The following PCDH19 variants were observed in gnomAD, a reference collection of about 807,000 sequenced individuals.
The protein encoded by PCDH19 is protocadherin 19, also known as protocadherin-19.
In PCDH19, 6 loss-of-function variants were observed where a neutral mutation model predicts 46.2. That is an observed-to-expected ratio of 0.13 (90% CI 0.07 to 0.26). PCDH19 has a LOEUF of 0.26. Ranked by LOEUF, PCDH19 falls within the 10% of genes least tolerant of loss-of-function variation. The pLI is 1.00. For missense variants in PCDH19, 740 were observed against 972.3 expected (o/e 0.76, Z 3.18); for synonymous variants, 481 against 415.7 (o/e 1.16, Z -1.91).
intron 4 of PCDH19, among the ~76,000 whole-genome samples, chrX:100,348,482 C>T: frequency 8.9e-6 from 1 of 111,939 alleles, no homozygotes; most frequent in Non-Finnish European, 1.9e-5. Context: ...TTTCCCAAAG[C>T]TCTCATGGCT....
intron 5 of PCDH19, among the ~76,000 whole-genome samples, chrX:100,336,506 T>C (rs1398492287): frequency 2.7e-5 from 3 of 112,121 alleles, no homozygotes; most frequent in Non-Finnish European, 5.6e-5. Flanking sequence ...GTTCTTCAAA[T>C]CCATGTTATA....
intron 3 of PCDH19, among the ~76,000 whole-genome samples, chrX:100,381,914 A>G (rs1927563965): frequency 9.0e-6 from 1 of 111,404 alleles, no homozygotes; most frequent in Non-Finnish European, 1.9e-5. Flanking sequence ...CTACACACAC[A>G]GCCACTACAA....
At chrX:100,326,121 C>T (rs1048062006) in intron 5 of PCDH19, among the ~76,000 whole-genome samples, 3 of 112,474 alleles carry the variant, frequency 2.7e-5, no homozygotes, top group Non-Finnish European at 5.6e-5. Context: ...TGAGAGGCTC[C>T]CTCCTGGGAG....
chrX:100,333,161 GGAA>G (rs56953203), intron 5 of PCDH19, among the ~76,000 whole-genome samples: 926 of 56,286 alleles, frequency 0.016, 33 homozygotes, highest in Middle Eastern at 0.024. Context: ...AAGGAAGGAA[GGAA>G]GGAAGGAAGG....
At chrX:100,338,573 A>G (rs1252003908) in intron 5 of PCDH19, among the ~76,000 whole-genome samples, 4 of 108,709 alleles carry the variant, frequency 3.7e-5, no homozygotes, top group Non-Finnish European at 7.6e-5. Context: ...TCCTTTATTG[A>G]ATATAACATT....
intron 3 of PCDH19, among the ~76,000 whole-genome samples, chrX:100,371,021 GT>G (rs1569304489): frequency 6.4e-5 from 7 of 109,687 alleles, no homozygotes; most frequent in East Asian, 3.0e-4. Context: ...GTGTGTGTGT[GT>G]GTGGGTGTGT....
intron 4 of PCDH19, among the ~76,000 whole-genome samples, chrX:100,350,169 A>G (rs1054108911): frequency 1.8e-5 from 2 of 112,405 alleles, no homozygotes; most frequent in African/African-American, 6.5e-5. Context: ...GAAGTTCTAC[A>G]TGAAAAACAT....
At chrX:100,333,189 GAAAGAA>G (rs1569294777) in intron 5 of PCDH19, among the ~76,000 whole-genome samples, 1,799 of 70,730 alleles carry the variant, frequency 0.025, 62 homozygotes, top group Middle Eastern at 0.063. Flanking sequence ...GAGAGAGAAA[GAAAGAA>G]AGAAAGAAAG....
intron 3 of PCDH19, among the ~76,000 whole-genome samples, chrX:100,359,628 C>T (rs953751102): frequency 7.1e-5 from 8 of 112,011 alleles, no homozygotes; most frequent in African/African-American, 2.6e-4. Context: ...TGGCTCATGC[C>T]TGTAACCCCA....
rs778219829 is a variant in PCDH19, at chrX:100,407,216, A to G, written c.1382T>C (p.Ile461Thr). The G allele has an allele frequency of 9.1e-6, 11 of 1,211,619 alleles. No individual in the cohort carries two copies. The highest frequency in any genetic ancestry group is 1.2e-5 in the Non-Finnish European group (11 of 895,483). ...GCCAGGCGTGTTGTTCTCCTGCACA[A>G]TGACCTGGTAGTAGGGCTTGGAAAA... ...PHFSKPYYQV[I>T]VQENNTPGAY... The change falls in exon 1 of 6, where the codon ATT (isoleucine) becomes ACT (threonine). Residue 461 changes from isoleucine to threonine, a missense_variant. By Grantham distance (89) the Ile-to-Thr change is moderately conservative. Coordinates refer to ENST00000373034, the MANE Select transcript of PCDH19 (RefSeq NM_001184880.2).
intron 3 of PCDH19, among the ~76,000 whole-genome samples, chrX:100,397,042 T>C (rs756490670): frequency 9.8e-5 from 11 of 111,942 alleles, no homozygotes; most frequent in African/African-American, 3.6e-4. Context: ...AGGTGATGCT[T>C]TGTGTCATTT....
rs113814477 is a variant in PCDH19 at position 100,337,067 on chromosome X, G to T, written c.2848+4836C>A. On this transcript the variant is annotated intron_variant, in intron 5 of 5. Coordinates refer to ENST00000373034, the MANE Select transcript of PCDH19 (RefSeq NM_001184880.2). ...CAAGCCCCATGATACCCCTAATCAC[G>T]CAACAAACCCATGAGCCTCTGGCAC... 6.8e-3 allele frequency among the ~76,000 whole-genome samples: 758 copies of T among 111,152 alleles called. 4 individuals are homozygous for T. The highest frequency in any genetic ancestry group is 0.023 in the African/African-American group (707 of 30,550).
rs769931920 is a variant in PCDH19 at position 100,405,674 on chromosome X, C to A, written c.2147+777G>T. 4.6e-5 allele frequency among the ~76,000 whole-genome samples: 5 copies of A among 108,450 alleles called. No homozygotes were observed. In the South Asian group the frequency reaches 2.1e-3, roughly 45 times the overall value. The allele number at this position is 108,450 out of a possible 115,157, so 94.2% of individuals were successfully genotyped here. A position where few individuals can be genotyped will look rare whatever the true frequency, so the allele number is the denominator to read the frequency against. Reference sequence around the variant, plus strand: ...TGGTAGGAACCAGATCTTAATGCCACAACACAGTCTCACATTAGAGGAAAG... The same window carrying A: ...TGGTAGGAACCAGATCTTAATGCCAAAACACAGTCTCACATTAGAGGAAAG... On this transcript the variant is annotated intron_variant, in intron 1 of 5. Coordinates refer to ENST00000373034, the MANE Select transcript of PCDH19 (RefSeq NM_001184880.2).
chrX:100,297,933 T>C (rs779399810), intron 5 of PCDH19, among the ~76,000 whole-genome samples: 2 of 110,882 alleles, frequency 1.8e-5, no homozygotes, highest in Admixed American at 9.6e-5. Context: ...GATGACCTAA[T>C]GAAAACATTG....
chrX:100,402,228 C>A (rs1225847006), intron 3 of PCDH19, among the ~76,000 whole-genome samples: 2 of 112,088 alleles, frequency 1.8e-5, no homozygotes, highest in East Asian at 5.6e-4. Context: ...GTCAAGCATG[C>A]TATATTTGCA....
At chrX:100,300,355 G>T (rs892379405) in intron 5 of PCDH19, among the ~76,000 whole-genome samples, 1 of 111,989 alleles carries the variant, frequency 8.9e-6, no homozygotes, top group African/African-American at 3.2e-5. Flanking sequence ...TAGTGGCTGG[G>T]AATGGAGCTA....
intron 5 of PCDH19, among the ~76,000 whole-genome samples, chrX:100,298,009 C>A (rs1002160801): frequency 1.8e-5 from 2 of 109,831 alleles, no homozygotes; most frequent in Admixed American, 2.0e-4. Flanking sequence ...CTTATATATA[C>A]ATATGTATAT....
At chrX:100,327,825 T>A (rs893606433) in intron 5 of PCDH19, among the ~76,000 whole-genome samples, 3 of 111,805 alleles carry the variant, frequency 2.7e-5, no homozygotes, top group African/African-American at 9.8e-5. Context: ...TCTCTCCCTT[T>A]CAGTGTTGCT....
intron 5 of PCDH19, among the ~76,000 whole-genome samples, chrX:100,317,707 A>G (rs1405990787): frequency 3.6e-5 from 4 of 110,212 alleles, no homozygotes; most frequent in African/African-American, 1.3e-4. Flanking sequence ...TCTCCCCTTC[A>G]TGTATCCCCC....
Sources: allele counts gnomAD v4.1 joint callset (sites outside exome capture counted in the v4.1 genomes callset), GRCh38; gene constraint gnomAD v4.1.1; transcripts MANE v1.5; gene names NCBI Gene and HGNC (gene_info 2026-07-23, HGNC 2026-07-21).